CNTN4: variants seen among roughly 807,000 people sequenced by gnomAD.
CNTN4 encodes contactin 4, also known as contactin-4.
In CNTN4, 77 loss-of-function variants were observed where a neutral mutation model predicts 122.5. The observed-to-expected ratio is 0.63, with a 90% CI of 0.52 to 0.76. The LOEUF is 0.76. CNTN4 is among the 30% of genes least tolerant of loss of function. The probability of loss-of-function intolerance (pLI) is 0.00; values close to 1 mark genes in which losing one functional copy is unlikely to be tolerated. For missense variants in CNTN4, 1,256 were observed against 1,259.1 expected (o/e 1.00, Z 0.04); for synonymous variants, 512 against 447.0 (o/e 1.15, Z -1.83).
intron 4 of CNTN4, among the ~76,000 whole-genome samples, chr3:2,634,559 A>G (rs1200141653): frequency 1.3e-5 from 2 of 151,918 alleles, no homozygotes; most frequent in Admixed American, 6.6e-5. Context: ...GGCCGGGCAC[A>G]GTGGCTCAGG....
chr3:2,587,068 A>C (rs904686736), intron 4 of CNTN4, among the ~76,000 whole-genome samples: 1 of 152,174 alleles, frequency 6.6e-6, no homozygotes, highest in Non-Finnish European at 1.5e-5. Context: ...AAAATGAGTA[A>C]AGTTTTGATT....
intron 4 of CNTN4, among the ~76,000 whole-genome samples, chr3:2,691,646 C>G (rs966797205): frequency 1.3e-5 from 2 of 152,100 alleles, no homozygotes; most frequent in Non-Finnish European, 2.9e-5. Flanking sequence ...TTACCTGGAG[C>G]CATTGCCTCA....
chr3:2,767,608 A>G (rs975079518), intron 6 of CNTN4, among the ~76,000 whole-genome samples: 11 of 152,174 alleles, frequency 7.2e-5, no homozygotes, highest in Non-Finnish European at 1.6e-4. Flanking sequence ...CAGTGAGTCC[A>G]TGGAATACCT....
At chr3:2,698,438 C>A (rs185725176) in intron 4 of CNTN4, among the ~76,000 whole-genome samples, 3 of 152,094 alleles carry the variant, frequency 2.0e-5, no homozygotes, top group Admixed American at 2.0e-4. Flanking sequence ...GCGGACCACG[C>A]CGTAATCTAA....
intron 4 of CNTN4, among the ~76,000 whole-genome samples, chr3:2,694,213 G>T (rs1279312913): frequency 2.0e-5 from 3 of 152,062 alleles, no homozygotes; most frequent in African/African-American, 7.2e-5. Context: ...AACTCCCATA[G>T]TTCCTTGCTC....
chr3:2,803,558 C>CTT lies in CNTN4; in HGVS notation c.359-15914_359-15913dup, dbSNP rs34822164. ...TTAACTATATTAACTGTGGTAAATTCTTTTTTTTTTTTTTTGTTTGAGACA... is the reference window on the plus strand; with the variant it reads ...TTAACTATATTAACTGTGGTAAATTCTTTTTTTTTTTTTTTTTGTTTGAGACA... On this transcript the variant is annotated intron_variant, in intron 6 of 24. Coordinates refer to ENST00000418658, the MANE Select transcript of CNTN4 (RefSeq NM_175607.3). Among the ~76,000 whole-genome samples the CTT allele has an allele frequency of 4.1e-4, 57 of 140,696 alleles. 1 individual carries two copies. The highest frequency in any genetic ancestry group is 9.9e-4 in the Admixed American group (14 of 14,078). The allele number at this position is 140,696 out of a possible 152,430, so 92.3% of individuals were successfully genotyped here.
intron 3 of CNTN4, among the ~76,000 whole-genome samples, chr3:2,440,167 GTTT>G (rs1282476265): frequency 1.3e-5 from 2 of 152,106 alleles, no homozygotes; most frequent in African/African-American, 4.8e-5. Flanking sequence ...TATACTTTAA[GTTT>G]TAGGGTACAT....
chr3:2,560,329 A>T (rs1326907605), intron 3 of CNTN4, among the ~76,000 whole-genome samples: 1 of 151,894 alleles, frequency 6.6e-6, no homozygotes, highest in Non-Finnish European at 1.5e-5. Flanking sequence ...TTTAGTAGAT[A>T]TGGGGTTTCA....
At chr3:2,279,076 G>T (rs541506987) in intron 2 of CNTN4, among the ~76,000 whole-genome samples, 1 of 151,938 alleles carries the variant, frequency 6.6e-6, no homozygotes, top group African/African-American at 2.4e-5. Flanking sequence ...TTAATACCTG[G>T]CCTAAGTGGC....
At chr3:3,030,790 C>G in intron 15 of CNTN4, 65 bp from the exon 16 acceptor site, 2 of 1,554,300 alleles carry the variant, frequency 1.3e-6, no homozygotes, top group Non-Finnish European at 1.8e-6. Context: ...CCGTGTCCTT[C>G]ATGTGATAAT....
chr3:2,654,011 A>G, intron 4 of CNTN4, among the ~76,000 whole-genome samples: 1 of 152,164 alleles, frequency 6.6e-6, no homozygotes, highest in Admixed American at 6.5e-5. Context: ...TATTGTTGTT[A>G]ATTCTTTGTT....
At chr3:2,653,819 C>A (rs1461045284) in intron 4 of CNTN4, among the ~76,000 whole-genome samples, 4 of 152,150 alleles carry the variant, frequency 2.6e-5, no homozygotes. Context: ...AATTGTTTTG[C>A]AGCTTTCTCT....
At chr3:3,006,135 C>G (rs1158581839) in intron 14 of CNTN4, among the ~76,000 whole-genome samples, 1 of 152,146 alleles carries the variant, frequency 6.6e-6, no homozygotes, top group Non-Finnish European at 1.5e-5. Flanking sequence ...CTCGGCCTCC[C>G]AAGGTGCTGG....
At chr3:2,671,196 G>A (rs2084493277) in intron 4 of CNTN4, among the ~76,000 whole-genome samples, 1 of 152,240 alleles carries the variant, frequency 6.6e-6, no homozygotes, top group Middle Eastern at 3.4e-3. Flanking sequence ...TTCCAACTTG[G>A]TTCCATTCTC....
chr3:2,247,544 G>GTTGTA (rs2040202968), intron 2 of CNTN4, among the ~76,000 whole-genome samples: 1 of 151,950 alleles, frequency 6.6e-6, no homozygotes, highest in Non-Finnish European at 1.5e-5. Flanking sequence ...TTTGGCTGAT[G>GTTGTA]TTGTAGTTCT....
intron 2 of CNTN4, among the ~76,000 whole-genome samples, chr3:2,223,258 G>A (rs1407133890): frequency 1.3e-5 from 2 of 152,158 alleles, no homozygotes; most frequent in Admixed American, 6.6e-5. Context: ...CAGTTGCCCT[G>A]TGGGTGTCCG....
intron 3 of CNTN4, among the ~76,000 whole-genome samples, chr3:2,376,282 A>G (rs1011787218): frequency 1.3e-5 from 2 of 152,170 alleles, no homozygotes; most frequent in African/African-American, 4.8e-5. Context: ...TGGAATAATA[A>G]TTATTATTCC....
At chr3:2,238,974 C>T (rs1202974207) in intron 2 of CNTN4, 1 of 149,024 alleles carries the variant, frequency 6.7e-6, no homozygotes, top group Non-Finnish European at 1.5e-5. Context: ...ATCCGCCCGC[C>T]TCGGCCTCCC....
At position 2,982,141 on chromosome 3, in the gene CNTN4, G is replaced by T. The variant is rs1415700701; in HGVS notation, c.1359-6204G>T. 3.3e-5 allele frequency among the ~76,000 whole-genome samples: 5 copies of T among 152,216 alleles called. No homozygotes were observed. In the East Asian group the frequency reaches 9.6e-4, roughly 29 times the overall value. On this transcript the variant is annotated intron_variant, in intron 13 of 24. Transcript: ENST00000418658. ...ATAGCCAAAATTATGTGATACAGCT[G>T]TGTATGAAGAAATGTCAGGTGCTTT...
Sources: gnomAD v4.1 joint callset for allele counts (sites outside exome capture counted in the v4.1 genomes callset) on GRCh38, gnomAD v4.1.1 for gene constraint, MANE v1.5 for transcripts, NCBI Gene and HGNC (gene_info 2026-07-23, HGNC 2026-07-21) for gene names.